The following ASPH variants were observed in gnomAD, a reference collection of about 807,000 sequenced individuals.
ASPH encodes the protein aspartyl/asparaginyl beta-hydroxylase.
Under a neutral mutation model 118.4 loss-of-function variants are expected in ASPH, and 100 were observed. The observed-to-expected ratio is 0.84, with a 90% CI of 0.72 to 1.00. The LOEUF is 1.00. Ranked by LOEUF, ASPH falls within the 50% of genes least tolerant of loss-of-function variation. ASPH has a pLI of 0.00. For synonymous variants in ASPH, 315 were observed against 325.6 expected (o/e 0.97, Z 0.35); for missense variants, 920 against 919.5 (o/e 1.00, Z -0.01).
intron 3 of ASPH, chr8:61,668,226 G>A (rs1820668773): frequency 1.9e-6 from 3 of 1,603,060 alleles, no homozygotes; most frequent in Non-Finnish European, 2.6e-6. Context: ...TTGAAAAAAT[G>A]AAAATACCTT....
At chr8:61,618,435 C>A (rs1273875186) in intron 14 of ASPH, among the ~76,000 whole-genome samples, 2 of 152,130 alleles carry the variant, frequency 1.3e-5, no homozygotes, top group Admixed American at 6.5e-5. Flanking sequence ...AGAAATAATT[C>A]TTTCTGCATA....
At chr8:61,536,269 G>C (rs1819558063) in intron 21 of ASPH, among the ~76,000 whole-genome samples, 1 of 152,114 alleles carries the variant, frequency 6.6e-6, no homozygotes, top group South Asian at 2.1e-4. Context: ...TCGATCTCCT[G>C]ACCTCATGAT....
chr8:61,537,677 T>C (rs1820148881), intron 21 of ASPH, among the ~76,000 whole-genome samples: 1 of 152,172 alleles, frequency 6.6e-6, no homozygotes, highest in Non-Finnish European at 1.5e-5. Flanking sequence ...CTGTGTAGCA[T>C]ATTGAGACAA....
chr8:61,579,202 G>A, intron 15 of ASPH: 2 of 1,613,198 alleles, frequency 1.2e-6, no homozygotes, highest in Non-Finnish European at 8.5e-7. Context: ...AAAGGCCAGA[G>A]GGCTTCCCTG....
chr8:61,608,512 AT>A (rs1018536195), intron 14 of ASPH, among the ~76,000 whole-genome samples: 11 of 152,068 alleles, frequency 7.2e-5, no homozygotes, highest in East Asian at 1.9e-4. Flanking sequence ...TAAACTTAAA[AT>A]TTTTTTTCAT....
intron 5 of ASPH, among the ~76,000 whole-genome samples, chr8:61,650,083 C>T (rs1220621015): frequency 2.6e-5 from 4 of 152,042 alleles, no homozygotes; most frequent in Admixed American, 2.6e-4. Flanking sequence ...ATTTTATTAC[C>T]ATGACAGCAC....
At chr8:61,688,437 A>G (rs1466493058) in intron 1 of ASPH, among the ~76,000 whole-genome samples, 1 of 152,152 alleles carries the variant, frequency 6.6e-6, no homozygotes, top group Admixed American at 6.6e-5. Context: ...ACTCTCCAAA[A>G]CAAAAGCCGG....
At chr8:61,614,825 C>T (rs1235759468) in intron 14 of ASPH, among the ~76,000 whole-genome samples, 1 of 152,124 alleles carries the variant, frequency 6.6e-6, no homozygotes, top group Non-Finnish European at 1.5e-5. Flanking sequence ...CTCCATTATT[C>T]CACCCATTAT....
intron 13 of ASPH, among the ~76,000 whole-genome samples, chr8:61,622,614 T>G (rs1212326060): frequency 6.6e-6 from 1 of 152,216 alleles, no homozygotes; most frequent in Non-Finnish European, 1.5e-5. Flanking sequence ...CCTTAGCTCA[T>G]GCTGTATCAC....
Position 61,684,152 on chromosome 8 carries a change from C to T in ASPH, c.140G>A (p.Gly47Asp), listed in dbSNP as rs761300932. The change falls in exon 2 of 25, where the codon GGC becomes GAC. Residue 47 changes from glycine (G) to aspartate (D), a missense_variant. By Grantham distance (94) the Gly-to-Asp change is moderately conservative. Coordinates refer to ENST00000379454, the MANE Select transcript of ASPH (RefSeq NM_004318.4). ...GAAGAATGAAGTTCCTGAGAGTCCGCCTTTCCTCCCATTCTTGTGTCCTCC... is the reference window on the plus strand; with the variant it reads ...GAAGAATGAAGTTCCTGAGAGTCCGTCTTTCCTCCCATTCTTGTGTCCTCC... ...KHGGHKNGRKGGLSGTSFFTW... is the reference protein window; with the variant it reads ...KHGGHKNGRKDGLSGTSFFTW... The T allele has an allele frequency of 8.7e-6, 14 of 1,613,422 alleles. No individual in the cohort carries two copies. In the South Asian group the frequency reaches 8.8e-5, roughly 10 times the overall value.
intron 15 of ASPH, chr8:61,583,653 C>T (rs534788934): frequency 2.0e-4 from 54 of 269,014 alleles, no homozygotes; most frequent in Non-Finnish European, 3.6e-4. Context: ...AAACTAACGC[C>T]CAGAAGAGCC....
At chr8:61,685,413 A>T (rs574620185) in intron 1 of ASPH, among the ~76,000 whole-genome samples, 1 of 152,326 alleles carries the variant, frequency 6.6e-6, no homozygotes, top group East Asian at 1.9e-4. Context: ...AGTCACCAGT[A>T]CAAGTTGGGT....
chr8:61,683,332 TAA>T (rs1225299111), intron 2 of ASPH, among the ~76,000 whole-genome samples: 1 of 152,030 alleles, frequency 6.6e-6, no homozygotes, highest in Admixed American at 6.6e-5. Context: ...TATTTCAGTT[TAA>T]AAAAAGATTT....
intron 3 of ASPH, chr8:61,661,350 T>G (rs1468131731): frequency 6.6e-6 from 1 of 152,234 alleles, no homozygotes; most frequent in Non-Finnish European, 1.5e-5. Flanking sequence ...AAAGGGAAAC[T>G]GAATGCCCAA....
chr8:61,626,277 G>GT, intron 13 of ASPH: 1 of 1,565,008 alleles, frequency 6.4e-7, no homozygotes, highest in Non-Finnish European at 8.6e-7. Context: ...GAAGCTTTAA[G>GT]TATCTGCAAA....
chr8:61,526,096 CAG>C lies in ASPH; in HGVS notation c.1779_1780del (p.Asn593LysfsTer7), dbSNP rs1273570867. ...AAGGCCTTCATCTCGGATTAACTTCCAGTTTCTTTCTAAAGACTAGAGGGAAG... is the reference window on the plus strand; with the variant it reads ...AAGGCCTTCATCTCGGATTAACTTCCTTTCTTTCTAAAGACTAGAGGGAAG... On this transcript the variant is annotated frameshift_variant, in exon 22 of 25. Transcript: ENST00000379454. LOFTEE classifies it high-confidence loss of function. 6.2e-7 allele frequency: 1 copy of C among 1,613,980 alleles called. No individual in the cohort carries two copies. The highest frequency in any genetic ancestry group is 8.5e-7 in the Non-Finnish European group (1 of 1,179,884).
intron 24 of ASPH, chr8:61,517,202 G>A (rs1038361826): frequency 4.3e-6 from 1 of 231,286 alleles, no homozygotes; most frequent in Admixed American, 5.1e-5. Context: ...GAAGCACAAT[G>A]CATAACATCT....
chr8:61,563,040 T>A (rs1257268677), intron 17 of ASPH, among the ~76,000 whole-genome samples, 160 bp from the exon 18 acceptor site: 1 of 152,210 alleles, frequency 6.6e-6, no homozygotes, highest in East Asian at 1.9e-4. Flanking sequence ...GATTTCATAA[T>A]GTAGTTGCAA....
intron 18 of ASPH, among the ~76,000 whole-genome samples, chr8:61,558,473 T>C (rs1828665090): frequency 1.3e-5 from 2 of 152,226 alleles, no homozygotes; most frequent in African/African-American, 4.8e-5. Flanking sequence ...TAGTATCAAG[T>C]ACAAGGTAAT....
Sources: gnomAD v4.1 joint callset for allele counts (sites outside exome capture counted in the v4.1 genomes callset) on GRCh38, gnomAD v4.1.1 for gene constraint, MANE v1.5 for transcripts, NCBI Gene and HGNC (gene_info 2026-07-23, HGNC 2026-07-21) for gene names.